Variants in G6PC2 observed in about 807,000 individuals in gnomAD.
G6PC2 encodes the protein glucose-6-phosphatase 2.
G6PC2 carries 41 observed loss-of-function variants against 35.4 expected under a neutral mutation model. That is an observed-to-expected ratio of 1.16 (90% CI 0.90 to 1.50). G6PC2 has a LOEUF of 1.50. Among genes scored for constraint, G6PC2 ranks in the 40% most tolerant of loss-of-function variants. The probability of loss-of-function intolerance (pLI) is 0.00; values close to 1 mark genes in which losing one functional copy is unlikely to be tolerated. For synonymous variants in G6PC2, 165 were observed against 153.2 expected (o/e 1.08, Z -0.57); for missense variants, 441 against 426.5 (o/e 1.03, Z -0.30).
intron 1 of G6PC2, 63 bp downstream of exon 1, chr2:168,901,612 T>A (rs2105849699): frequency 1.2e-6 from 1 of 850,684 alleles, no homozygotes; most frequent in Admixed American, 1.9e-5. Context: ...GACTTCGGCA[T>A]AATGATCACA....
At chr2:168,906,843 G>C (rs1304513915) in intron 4 of G6PC2, 64 bp downstream of exon 4, 1 of 859,080 alleles carries the variant, frequency 1.2e-6, no homozygotes, top group East Asian at 2.4e-5. Context: ...ATGTTTAAGG[G>C]TATCAGATTG....
chr2:168,905,295 T>C (rs943857718), intron 3 of G6PC2, among the ~76,000 whole-genome samples: 5 of 152,136 alleles, frequency 3.3e-5, no homozygotes, highest in Non-Finnish European at 7.4e-5. Flanking sequence ...TGAGTACCAA[T>C]TTAGCCATAA....
intron 1 of G6PC2, 127 bp downstream of exon 1, chr2:168,901,676 T>C: frequency 4.5e-6 from 3 of 666,866 alleles, no homozygotes; most frequent in East Asian, 5.4e-5. Flanking sequence ...CCAGGTAACT[T>C]GAAACACCAG....
chr2:168,907,964 A>G lies in G6PC2; in HGVS notation c.953A>G (p.His318Arg), dbSNP rs1690754260. 7 of 1,614,070 alleles carry G rather than the reference A, an allele frequency of 4.3e-6. No homozygotes were observed. In the South Asian group the frequency reaches 4.4e-5, roughly 10 times the overall value. Residue 318 changes from histidine (H) to arginine (R), a missense_variant, in exon 5 of 5, where the codon CAT becomes CGT. By Grantham distance (29) the His-to-Arg change is conservative. Transcript: ENST00000375363. Reference sequence around the variant, plus strand: ...CTCCAGATCCCGACTCACGAAGAGCATTTATTTTATGTGCTGTCTTTTTGT... The same window carrying G: ...CTCCAGATCCCGACTCACGAAGAGCGTTTATTTTATGTGCTGTCTTTTTGT... ...HFLQIPTHEE[H>R]LFYVLSFCKS...
In G6PC2 at chr2:168,901,542, T is replaced by G. The variant is rs752390586; in HGVS notation, c.211T>G (p.Phe71Val). 45 of 1,449,702 alleles carry G rather than the reference T, an allele frequency of 3.1e-5. No homozygotes were observed. In the East Asian group the frequency reaches 9.7e-4, roughly 31 times the overall value. 89.8% of individuals were successfully genotyped at this position (1,449,702 alleles called of 1,614,324 possible). A position where few individuals can be genotyped will look rare whatever the true frequency, so the allele number is the denominator to read the frequency against. Reference protein sequence around the residue: ...AVIGDWLNLIFKWILFGHRPY... With the variant: ...AVIGDWLNLIVKWILFGHRPY... ...CATTGGGGATTGGTTAAATCTTATATTTAAATGGTAAGATTTCTGTTTTAT... is the reference window on the plus strand; with the variant it reads ...CATTGGGGATTGGTTAAATCTTATAGTTAAATGGTAAGATTTCTGTTTTAT... The change falls in exon 1 of 5, where the codon TTT (phenylalanine) becomes GTT (valine). Residue 71 changes from phenylalanine (F) to valine (V), a missense_variant. Coordinates refer to ENST00000375363, the MANE Select transcript of G6PC2 (RefSeq NM_021176.3).
intron 1 of G6PC2, 99 bp from the exon 2 acceptor site, chr2:168,902,346 C>T (rs1017926818): frequency 2.8e-5 from 20 of 705,346 alleles, no homozygotes; most frequent in African/African-American, 1.4e-4. Flanking sequence ...ATTAACCCTG[C>T]GCTTGAGTCA....
In G6PC2 at chr2:168,901,547, A is replaced by G; in HGVS notation, c.216A>G (p.Lys72=). ...GGGATTGGTTAAATCTTATATTTAA[A>G]TGGTAAGATTTCTGTTTTATTTCAT... ...VIGDWLNLIF[K]WILFGHRPYW... Residue 72 remains lysine (K), a splice_region_variant and synonymous_variant, in exon 1 of 5, where the codon AAA becomes AAG. Coordinates refer to ENST00000375363, the MANE Select transcript of G6PC2 (RefSeq NM_021176.3). The G allele has an allele frequency of 7.0e-7, 1 of 1,430,020 alleles. No homozygotes were observed. The highest frequency in any genetic ancestry group is 9.9e-7 in the Non-Finnish European group (1 of 1,013,296). 88.6% of individuals were successfully genotyped at this position (1,430,020 alleles called of 1,614,324 possible). A position where few individuals can be genotyped will look rare whatever the true frequency, so the allele number is the denominator to read the frequency against.
At position 168,908,445 on chromosome 2, in the gene G6PC2, A is replaced by G; in HGVS notation, c.*366A>G. On this transcript the variant is annotated 3_prime_UTR_variant, in exon 5 of 5. Transcript: ENST00000375363. ...ATTTTCTCACAGTCTTCAGCATCCC[A>G]GCAGGAGCCCCACTATGATTCCTTT... 3 of 315,782 alleles carry G rather than the reference A, an allele frequency of 9.5e-6. No individual in the cohort carries two copies. The highest frequency in any genetic ancestry group is 1.8e-5 in the Non-Finnish European group (3 of 169,144). 19.6% of individuals were successfully genotyped at this position (315,782 alleles called of 1,614,324 possible).
chr2:168,904,140 T>C (rs1690658163), intron 2 of G6PC2, among the ~76,000 whole-genome samples: 1 of 152,010 alleles, frequency 6.6e-6, no homozygotes, highest in Non-Finnish European at 1.5e-5. Context: ...AAACCGCAAT[T>C]ACTCTTGCAT....
Position 168,902,540 on chromosome 2 carries a change from G to A in G6PC2, c.314G>A (p.Cys105Tyr). The A allele has an allele frequency of 3.4e-6, 5 of 1,462,904 alleles. No individual in the cohort carries two copies. The highest frequency in any genetic ancestry group is 4.8e-6 in the Non-Finnish European group (5 of 1,041,916). The allele number at this position is 1,462,904 out of a possible 1,614,324, so 90.6% of individuals were successfully genotyped here. A position where few individuals can be genotyped will look rare whatever the true frequency, so the allele number is the denominator to read the frequency against. ...TGCCTTGAACAGTTCCCTACTACAT[G>A]TGAAACAGGTCCAGGTAAGCTATTA... is the stretch of plus-strand genomic sequence containing the variant. ...SPCLEQFPTT[C>Y]ETGPGSPSGH... The change falls in exon 2 of 5, where the codon TGT becomes TAT. Residue 105 changes from cysteine (C) to tyrosine (Y), a missense_variant. Physicochemically the swap from Cys to Tyr is radical, Grantham distance 194. Transcript: ENST00000375363.
chr2:168,905,473 T>C (rs906290651), intron 3 of G6PC2, among the ~76,000 whole-genome samples: 12 of 152,130 alleles, frequency 7.9e-5, no homozygotes, highest in Non-Finnish European at 1.3e-4. Flanking sequence ...GGAATTTGGG[T>C]GTCTTAAAAG....
Position 168,902,549 on chromosome 2 carries a change from G to T in G6PC2, c.323G>T (p.Gly108Val). 7.4e-7 allele frequency: 1 copy of T among 1,346,272 alleles called. No homozygotes were observed. The highest frequency in any genetic ancestry group is 1.1e-6 in the Non-Finnish European group (1 of 935,440). The allele number at this position is 1,346,272 out of a possible 1,614,324, so 83.4% of individuals were successfully genotyped here. A position where few individuals can be genotyped will look rare whatever the true frequency, so the allele number is the denominator to read the frequency against. Residue 108 changes from glycine (G) to valine (V), a missense_variant, in exon 2 of 5, where the codon GGT (glycine) becomes GTT (valine). By Grantham distance (109) the Gly-to-Val change is moderately radical. Coordinates refer to ENST00000375363, the MANE Select transcript of G6PC2 (RefSeq NM_021176.3). Reference sequence around the variant, plus strand: ...CAGTTCCCTACTACATGTGAAACAGGTCCAGGTAAGCTATTACAGCAGGCT... The same window carrying T: ...CAGTTCCCTACTACATGTGAAACAGTTCCAGGTAAGCTATTACAGCAGGCT... The part of the protein sequence containing the change: ...LEQFPTTCET[G>V]PGSPSGHAMG...
At chr2:168,904,303 A>T (rs575507219) in intron 2 of G6PC2, among the ~76,000 whole-genome samples, 18 of 152,124 alleles carry the variant, frequency 1.2e-4, no homozygotes, top group African/African-American at 2.2e-4. Context: ...TGGGAAAAAA[A>T]TTTTTTGAGA....
At chr2:168,901,739 T>G (rs1002979546) in intron 1 of G6PC2, among the ~76,000 whole-genome samples, 190 bp downstream of exon 1, 12 of 23,644 alleles carry the variant, frequency 5.1e-4, no homozygotes, top group East Asian at 5.9e-3. Context: ...ATGTTTTTGT[T>G]TTTTTTTTTT....
In G6PC2 at chr2:168,901,526, T is replaced by C. The variant is rs1690594206; in HGVS notation, c.195T>C (p.Asp65=). The C allele has an allele frequency of 1.3e-6, 2 of 1,546,268 alleles. No individual in the cohort carries two copies. ...TKMIWVAVIG[D]WLNLIFKWIL... ...TGATATGGGTAGCAGTCATTGGGGA[T>C]TGGTTAAATCTTATATTTAAATGGT... Residue 65 remains aspartate (D), a synonymous_variant, in exon 1 of 5, where the codon GAT becomes GAC. Coordinates refer to ENST00000375363, the MANE Select transcript of G6PC2 (RefSeq NM_021176.3).
intron 3 of G6PC2, among the ~76,000 whole-genome samples, chr2:168,905,096 T>C (rs574597705): frequency 4.6e-5 from 7 of 152,328 alleles, no homozygotes; most frequent in African/African-American, 1.7e-4. Context: ...TCCAGCTTTA[T>C]AGAGAGCACA....
At chr2:168,904,696 G>A in intron 3 of G6PC2, 80 bp downstream of exon 3, 2 of 822,942 alleles carry the variant, frequency 2.4e-6, no homozygotes, top group Non-Finnish European at 4.3e-6. Context: ...ATTAATTTTA[G>A]TGCAGTTTTA....
In G6PC2 at chr2:168,909,895, A is replaced by G. The variant is rs1306625379; in HGVS notation, c.*1816A>G. On this transcript the variant is annotated 3_prime_UTR_variant, in exon 5 of 5. Transcript: ENST00000375363. ...AAGTATTAATTACTCCTTTCCAAGT[A>G]TATGTATAGAGCATGTGTCATTGCT... 1 of 152,234 alleles carries G rather than the reference A, an allele frequency of 6.6e-6. No individual in the cohort carries two copies. The highest frequency in any genetic ancestry group is 2.4e-5 in the African/African-American group (1 of 41,466). 9.4% of individuals were successfully genotyped at this position (152,234 alleles called of 1,614,324 possible). A position where few individuals can be genotyped will look rare whatever the true frequency, so the allele number is the denominator to read the frequency against.
intron 3 of G6PC2, 132 bp from the exon 4 acceptor site, chr2:168,906,532 A>AG (rs1690715641): frequency 1.5e-6 from 1 of 685,816 alleles, no homozygotes; most frequent in Non-Finnish European, 2.7e-6. Context: ...TTGAAAAAAA[A>AG]GATTCTAGAA....
Sources: allele counts gnomAD v4.1 joint callset (sites outside exome capture counted in the v4.1 genomes callset), GRCh38; gene constraint gnomAD v4.1.1; transcripts MANE v1.5; gene names NCBI Gene and HGNC (gene_info 2026-07-23, HGNC 2026-07-21).